PXYLP1: variants seen among roughly 807,000 people sequenced by gnomAD.
PXYLP1 encodes the protein 2-phosphoxylose phosphatase 1.
In PXYLP1, 17 loss-of-function variants were observed where a neutral mutation model predicts 37.9. That is an observed-to-expected ratio of 0.45 (90% CI 0.31 to 0.67). The LOEUF is 0.67. Ranked by LOEUF, PXYLP1 falls within the 30% of genes least tolerant of loss-of-function variation. The pLI is 0.07. For missense variants in PXYLP1, 511 were observed against 612.0 expected (o/e 0.84, Z 1.74); for synonymous variants, 221 against 232.2 (o/e 0.95, Z 0.44).
At chr3:141,273,956 C>T (rs952213460) in intron 2 of PXYLP1, 1 of 985,618 alleles carries the variant, frequency 1.0e-6, no homozygotes, top group Non-Finnish European at 1.2e-6. Context: ...TAATGAAACT[C>T]GTTATCCTTC....
At position 141,260,104 on chromosome 3, in the gene PXYLP1, A is replaced by G. The variant is rs1161667587; in HGVS notation, c.-53-19A>G. ...CTCCACCTCTAAACACTCATTTATC[A>G]CCTCTGCTTTATTCACAGGACATGT... On this transcript the variant is annotated intron_variant, in intron 1 of 5. Transcript: ENST00000286353. 7 of 1,572,612 alleles carry G rather than the reference A, an allele frequency of 4.5e-6. No homozygotes were observed. Among genetic ancestry groups the G allele is most frequent in the African/African-American group, 1.3e-5 (1 of 74,108 alleles).
At chr3:141,264,503 CTT>C (rs1403892359) in intron 2 of PXYLP1, among the ~76,000 whole-genome samples, 1 of 152,198 alleles carries the variant, frequency 6.6e-6, no homozygotes, top group Non-Finnish European at 1.5e-5. Context: ...GTATGTGACA[CTT>C]TGTTCTTTAG....
intron 2 of PXYLP1, among the ~76,000 whole-genome samples, chr3:141,275,289 C>T (rs1941765433): frequency 6.6e-6 from 1 of 152,198 alleles, no homozygotes; most frequent in African/African-American, 2.4e-5. Context: ...TTGCACCCAA[C>T]CACCATGGTT....
rs747445487 is a variant in PXYLP1 at position 141,287,446 on chromosome 3, A to C, written c.498A>C (p.Thr166=). Residue 166 remains threonine, a synonymous_variant, in exon 5 of 6, where the codon ACA becomes ACC. Coordinates refer to ENST00000286353, the MANE Select transcript of PXYLP1 (RefSeq NM_001037172.3). ...CATTGTGTGAGATGGGAGAGCTCAC[A>C]CAGACAGGTATGTGTGACCCCCATG... is the stretch of plus-strand genomic sequence containing the variant. ...NHPLCEMGEL[T]QTGVVQHLQN... is the part of the protein sequence containing the mutation. 44 of 1,613,992 alleles carry C rather than the reference A, an allele frequency of 2.7e-5. No homozygotes were observed. The highest frequency in any genetic ancestry group is 3.6e-5 in the Non-Finnish European group (43 of 1,179,958).
chr3:141,275,796 T>TAA (rs72152069), intron 2 of PXYLP1, among the ~76,000 whole-genome samples: 20,493 of 148,568 alleles, frequency 0.14, 2,965 homozygotes, highest in African/African-American at 0.37. Context: ...ACGTTCACTG[T>TAA]AAAAAAAAAA....
At chr3:141,257,699 C>T (rs1184259655) in intron 1 of PXYLP1, among the ~76,000 whole-genome samples, 1 of 151,962 alleles carries the variant, frequency 6.6e-6, no homozygotes, top group African/African-American at 2.4e-5. Flanking sequence ...ATCAGGAGTT[C>T]GAGACCAGCC....
intron 4 of PXYLP1, among the ~76,000 whole-genome samples, chr3:141,283,688 A>G (rs749281808): frequency 2.9e-4 from 44 of 152,004 alleles, no homozygotes; most frequent in Non-Finnish European, 5.0e-4. Flanking sequence ...TTAAAAATCT[A>G]ATGTGATTCC....
At chr3:141,246,136 G>A (rs1940932757) in intron 1 of PXYLP1, among the ~76,000 whole-genome samples, 2 of 152,174 alleles carry the variant, frequency 1.3e-5, no homozygotes, top group Admixed American at 1.3e-4. Context: ...GTGGGGGGTA[G>A]GCTAGCAGTT....
chr3:141,292,253 G>A lies in PXYLP1; in HGVS notation c.506-15G>A. On this transcript the variant is annotated splice_polypyrimidine_tract_variant and intron_variant, in intron 5 of 5. Transcript: ENST00000286353. This position sits in a 1 kb window ranked among gnomAD's most constrained non-coding sequence, Gnocchi z 4.3. ...CAGCTGGAAGTAAGGTAAGCTTTGT[G>A]TGCTTGTGTTTCAGGAGTTGTGCAG... 2.6e-6 allele frequency: 4 copies of A among 1,568,308 alleles called. No individual in the cohort carries two copies. Among genetic ancestry groups the A allele is most frequent in the Non-Finnish European group, 3.5e-6 (4 of 1,158,432 alleles).
intron 1 of PXYLP1, among the ~76,000 whole-genome samples, chr3:141,259,322 A>G (rs1402911541): frequency 6.6e-6 from 1 of 152,222 alleles, no homozygotes; most frequent in African/African-American, 2.4e-5. Flanking sequence ...TCTCTTTAAA[A>G]TCCCAAAGAG....
At chr3:141,242,240 C>T (rs1456913385) in intron 1 of PXYLP1, among the ~76,000 whole-genome samples, 1 of 152,200 alleles carries the variant, frequency 6.6e-6, no homozygotes, top group African/African-American at 2.4e-5. Context: ...AATGAACGCT[C>T]AATCCTGAAA....
intron 1 of PXYLP1, among the ~76,000 whole-genome samples, chr3:141,241,442 A>C (rs1227950345): frequency 1.3e-5 from 2 of 151,308 alleles, no homozygotes; most frequent in Non-Finnish European, 2.9e-5. Context: ...GTAGAGTGGG[A>C]GGGGTAGGCT....
intron 1 of PXYLP1, among the ~76,000 whole-genome samples, chr3:141,248,013 TTTTTG>T (rs1284795859): frequency 2.8e-4 from 33 of 116,750 alleles, no homozygotes; most frequent in African/African-American, 1.0e-3. Flanking sequence ...CTTTTAAGAG[TTTTTG>T]TTTTGTTTTT....
chr3:141,289,282 C>A (rs867226588), intron 5 of PXYLP1, among the ~76,000 whole-genome samples: 2 of 121,114 alleles, frequency 1.7e-5, no homozygotes, highest in African/African-American at 8.4e-5. Flanking sequence ...GACACAAAAA[C>A]AGAATTAGAT....
In PXYLP1 at chr3:141,273,472, A is replaced by G. The variant is rs1352952215; in HGVS notation, c.80-4870A>G. On this transcript the variant is annotated intron_variant, in intron 2 of 5. Coordinates refer to ENST00000286353, the MANE Select transcript of PXYLP1 (RefSeq NM_001037172.3). ...CTATGGGAATGTTTACTAGTAATAC[A>G]TACAGAGTCATCCACTGTGCATTCG... The G allele has an allele frequency of 4.1e-6, 4 of 985,360 alleles. No individual in the cohort carries two copies. In the African/African-American group the frequency reaches 5.2e-5, roughly 13 times the overall value. The allele number at this position is 985,360 out of a possible 1,614,324, so 61.0% of individuals were successfully genotyped here.
chr3:141,272,903 C>T, intron 2 of PXYLP1: 1 of 866,424 alleles, frequency 1.2e-6, no homozygotes, highest in South Asian at 5.3e-5. Flanking sequence ...TTTGGCAGCA[C>T]ACTCATAGAC....
chr3:141,260,019 G>A, intron 1 of PXYLP1, 104 bp from the exon 2 acceptor site: 2 of 770,630 alleles, frequency 2.6e-6, no homozygotes, highest in Admixed American at 2.3e-5. Flanking sequence ...CCGGGGGACT[G>A]GGCTAATCAG....
intron 1 of PXYLP1, chr3:141,235,269 C>A: frequency 6.6e-6 from 1 of 152,370 alleles, no homozygotes. Flanking sequence ...TTGGGCTTAG[C>A]ACGGCAGGAG....
chr3:141,290,636 C>G (rs1345126794), intron 5 of PXYLP1, among the ~76,000 whole-genome samples: 6 of 152,046 alleles, frequency 3.9e-5, no homozygotes, highest in African/African-American at 1.4e-4. Flanking sequence ...CTATGTTTGG[C>G]AAGTATAAGA....
Sources: allele counts gnomAD v4.1 joint callset (sites outside exome capture counted in the v4.1 genomes callset), GRCh38; gene constraint gnomAD v4.1.1; non-coding constraint Gnocchi (gnomAD v3.1); transcripts MANE v1.5; gene names NCBI Gene and HGNC (gene_info 2026-07-23, HGNC 2026-07-21).